Variants in CFHR5 observed in about 807,000 individuals in gnomAD.
CFHR5 encodes the protein complement factor H related 5.
CFHR5 carries 73 observed loss-of-function variants against 62.9 expected under a neutral mutation model. The ratio of observed to expected loss-of-function variants is 1.16; its 90% CI spans 0.96 to 1.41. CFHR5 has a LOEUF of 1.41. Ranked by LOEUF, CFHR5 falls within the 40% of genes most tolerant of loss-of-function variation. The probability of loss-of-function intolerance (pLI) is 0.00; values close to 1 mark genes in which losing one functional copy is unlikely to be tolerated. For missense variants in CFHR5, 779 were observed against 679.9 expected (o/e 1.15, Z -1.62); for synonymous variants, 249 against 227.2 (o/e 1.10, Z -0.86).
rs369790664 is a variant in CFHR5 at position 196,998,180 on chromosome 1, A to G, written c.1023A>G (p.Leu341=). 4 of 1,596,692 alleles carry G rather than the reference A, an allele frequency of 2.5e-6. No individual in the cohort carries two copies. The African/African-American group carries it at 4.0e-5, about 16-fold the overall frequency. The change falls in exon 7 of 10, where the codon TTA becomes TTG. Residue 341 remains leucine, a synonymous_variant. Transcript: ENST00000256785. ...CKIAGVNIKT[L]LKLSGKEFNH... is the part of the protein sequence containing the mutation. ...TAGCAGGAGTTAATATAAAAACATT[A>G]CTCAAGCTATCTGGGAAAGAATTTA... is the stretch of plus-strand genomic sequence containing the variant.
At chr1:197,005,888 G>T (rs1558291577) in intron 9 of CFHR5, among the ~76,000 whole-genome samples, 1 of 152,138 alleles carries the variant, frequency 6.6e-6, no homozygotes, top group Non-Finnish European at 1.5e-5. Context: ...CTCTGTGTGA[G>T]CCCCTCTCCC....
Position 197,008,831 on chromosome 1 carries a change from T to C in CFHR5, c.*148T>C, listed in dbSNP as rs1571532389. ...TTAGAACTCTGGATTTTTAGAGCTT[T>C]AGAAATTTGTAAGCTGAGAGAACAA... On this transcript the variant is annotated 3_prime_UTR_variant, in exon 10 of 10. Coordinates refer to ENST00000256785, the MANE Select transcript of CFHR5 (RefSeq NM_030787.4). 3 of 687,162 alleles carry C rather than the reference T, an allele frequency of 4.4e-6. No homozygotes were observed. In the Admixed American group the frequency reaches 7.0e-5, roughly 16 times the overall value. The allele number at this position is 687,162 out of a possible 1,614,324, so 42.6% of individuals were successfully genotyped here.
chr1:196,999,716 TATATATAC>T (rs1558288991), intron 7 of CFHR5, among the ~76,000 whole-genome samples: 3 of 49,272 alleles, frequency 6.1e-5, no homozygotes, highest in Non-Finnish European at 1.4e-4. Flanking sequence ...TATATATATA[TATATATAC>T]ACACACACAC....
At chr1:196,985,576 G>A (rs2125028350) in intron 3 of CFHR5, among the ~76,000 whole-genome samples, 1 of 151,848 alleles carries the variant, frequency 6.6e-6, no homozygotes, top group East Asian at 1.9e-4. Context: ...CTTCAGTTAT[G>A]GTATAAATAT....
At chr1:196,976,799 CTTT>C (rs10588279), upstream of CFHR5, among the ~76,000 whole-genome samples, 1,080 of 98,090 alleles carry the variant, frequency 0.011, 8 homozygotes, top group African/African-American at 0.047. Flanking sequence ...AAAAATTATT[CTTT>C]TTTTTTTTTT....
At position 196,983,095 on chromosome 1, in the gene CFHR5, G is replaced by C. The variant is rs758679310; in HGVS notation, c.253+16G>C. Reference sequence around the variant, plus strand: ...AAGTGTCTCAGTGAGTAAATGCCCTGTTCATTAAATGGATGTCATTCAGTG... The same window carrying C: ...AAGTGTCTCAGTGAGTAAATGCCCTCTTCATTAAATGGATGTCATTCAGTG... On this transcript the variant is annotated intron_variant, in intron 2 of 9. Coordinates refer to ENST00000256785, the MANE Select transcript of CFHR5 (RefSeq NM_030787.4). 33 of 1,613,414 alleles carry C rather than the reference G, an allele frequency of 2.0e-5. No homozygotes were observed. In the Admixed American group the frequency reaches 5.2e-4, roughly 25 times the overall value.
rs1654352659 is a variant in CFHR5 at position 197,008,563 on chromosome 1, T to A, written c.1590T>A (p.Tyr530Ter). ...AATGGAGAAACGATGGAAAACTCTA[T>A]GCAAAAACAGGGGATGCTGTTGAAT... ...QLKWRNDGKL[Y>*]AKTGDAVEFQ... Residue 530 changes from tyrosine to a stop codon, truncating the protein, a stop_gained, in exon 10 of 10, where the codon TAT (tyrosine) becomes TAA (stop). Transcript: ENST00000256785. LOFTEE classifies it low-confidence loss of function (END_TRUNC). The A allele has an allele frequency of 6.2e-7, 1 of 1,613,672 alleles. No individual in the cohort carries two copies. The highest frequency in any genetic ancestry group is 8.5e-7 in the Non-Finnish European group (1 of 1,179,684).
intron 8 of CFHR5, 62 bp from the exon 9 acceptor site, chr1:197,004,599 C>T (rs1176107221): frequency 1.1e-5 from 14 of 1,246,908 alleles, no homozygotes; most frequent in East Asian, 9.3e-5. Flanking sequence ...ATACATGATG[C>T]TTCATTATAT....
intron 9 of CFHR5, among the ~76,000 whole-genome samples, chr1:197,005,871 A>G (rs1009138839): frequency 1.3e-5 from 2 of 152,146 alleles, no homozygotes; most frequent in Non-Finnish European, 2.9e-5. Context: ...AGTGCTTCAA[A>G]CCACTACTCT....
At chr1:197,008,383 C>T in intron 9 of CFHR5, 104 bp from the exon 10 acceptor site, 1 of 573,312 alleles carries the variant, frequency 1.7e-6, no homozygotes. Context: ...TAATATTTTT[C>T]ATCATTTTAA....
chr1:197,000,348 T>A (rs1169022596), intron 7 of CFHR5, among the ~76,000 whole-genome samples: 1 of 152,084 alleles, frequency 6.6e-6, no homozygotes, highest in African/African-American at 2.4e-5. Context: ...AAGAAGTTAT[T>A]TGGTCAAAAT....
chr1:196,987,014 A>T (rs1653701012), intron 3 of CFHR5, among the ~76,000 whole-genome samples: 2 of 152,168 alleles, frequency 1.3e-5, no homozygotes, highest in Non-Finnish European at 1.5e-5. Context: ...ATTTCTCCAC[A>T]TCCTCTCTAG....
At chr1:197,001,712 C>T (rs142789380) in intron 7 of CFHR5, among the ~76,000 whole-genome samples, 1,473 of 129,120 alleles carry the variant, frequency 0.011, 37 homozygotes, top group African/African-American at 0.038. Flanking sequence ...CTCCCCCCAC[C>T]CCACAACAGC....
At chr1:196,992,808 G>T (rs1403161554) in intron 3 of CFHR5, among the ~76,000 whole-genome samples, 1 of 152,154 alleles carries the variant, frequency 6.6e-6, no homozygotes, top group Admixed American at 6.5e-5. Context: ...AGTGAATTAA[G>T]ACACATTCTC....
intron 7 of CFHR5, among the ~76,000 whole-genome samples, chr1:196,998,909 G>A (rs1222335584): frequency 6.6e-6 from 1 of 151,950 alleles, no homozygotes; most frequent in Non-Finnish European, 1.5e-5. Flanking sequence ...AGAGAAGATA[G>A]ACTGCAGACT....
chr1:196,989,808 G>A (rs150409322), intron 3 of CFHR5, among the ~76,000 whole-genome samples: 2,058 of 152,098 alleles, frequency 0.014, 46 homozygotes, highest in African/African-American at 0.045. Flanking sequence ...TCAATTTTGG[G>A]ATAAGTGCTA....
chr1:196,985,080 T>G (rs1288084976), intron 3 of CFHR5, among the ~76,000 whole-genome samples: 1 of 152,228 alleles, frequency 6.6e-6, no homozygotes, highest in African/African-American at 2.4e-5. Context: ...TTCTAAATTT[T>G]TTTTCAGTGG....
chr1:196,976,236 A>G (rs539339201), upstream of CFHR5, among the ~76,000 whole-genome samples: 25 of 152,272 alleles, frequency 1.6e-4, no homozygotes, highest in Non-Finnish European at 2.6e-4. Flanking sequence ...GAACCACCAT[A>G]AGTAAGTTTC....
At chr1:196,986,097 A>G (rs1272846096) in intron 3 of CFHR5, among the ~76,000 whole-genome samples, 1 of 152,184 alleles carries the variant, frequency 6.6e-6, no homozygotes, top group Non-Finnish European at 1.5e-5. Context: ...AAGTGAAAGA[A>G]TTCAGCAGAA....
Sources: allele counts gnomAD v4.1 joint callset (sites outside exome capture counted in the v4.1 genomes callset), GRCh38; gene constraint gnomAD v4.1.1; transcripts MANE v1.5; gene names NCBI Gene and HGNC (gene_info 2026-07-23, HGNC 2026-07-21).